The following BICDL1 variants were observed in gnomAD, a reference collection of about 807,000 sequenced individuals.
BICDL1 encodes BICD family-like cargo adapter 1.
Under a neutral mutation model 76.8 loss-of-function variants are expected in BICDL1, and 20 were observed. That is an observed-to-expected ratio of 0.26 (90% CI 0.18 to 0.38). BICDL1 has a LOEUF of 0.38. BICDL1 is among the 10% of genes least tolerant of loss of function. The pLI is 1.00. For synonymous variants in BICDL1, 383 were observed against 337.1 expected (o/e 1.14, Z -1.49); for missense variants, 700 against 798.6 (o/e 0.88, Z 1.49).
chr12:120,041,415 T>C (rs1427560069), intron 2 of BICDL1, among the ~76,000 whole-genome samples: 2 of 152,214 alleles, frequency 1.3e-5, no homozygotes, highest in Non-Finnish European at 2.9e-5. Context: ...TGAGTTAATA[T>C]AGACATGTTT....
Position 120,021,852 on chromosome 12 carries a change from C to T in BICDL1, c.645+23116C>T, listed in dbSNP as rs566819252. Among the ~76,000 whole-genome samples the T allele has an allele frequency of 3.0e-4, 46 of 151,168 alleles. 1 individual carries two copies. The highest frequency in any genetic ancestry group is 1.1e-3 in the African/African-American group (44 of 41,260). On this transcript the variant is annotated intron_variant, in intron 2 of 9. Transcript: ENST00000548673. ...CCCGGGAGGTGAAGGTTGCAGTGAA[C>T]CGAGATTGCACCACTGCACTCCAGC...
chr12:120,089,266 T>C (rs1874722181), intron 8 of BICDL1, among the ~76,000 whole-genome samples: 1 of 149,364 alleles, frequency 6.7e-6, no homozygotes, highest in Non-Finnish European at 1.5e-5. Flanking sequence ...ATTGTCCTTT[T>C]TCAACGTGTG....
At chr12:119,990,688 A>G (rs1021341964) in intron 1 of BICDL1, among the ~76,000 whole-genome samples, 5 of 152,226 alleles carry the variant, frequency 3.3e-5, no homozygotes, top group African/African-American at 4.8e-5. Flanking sequence ...TCAGGGTGTT[A>G]GCCTAAAGCC....
chr12:120,071,690 A>G lies in BICDL1; in HGVS notation c.978A>G (p.Glu326=). The change falls in exon 5 of 10, where the codon GAA becomes GAG. Residue 326 remains glutamate (E), a synonymous_variant. Coordinates refer to ENST00000548673, the MANE Select transcript of BICDL1 (RefSeq NM_001367886.1). This position sits in a 1 kb window ranked among gnomAD's most constrained non-coding sequence, Gnocchi z 4.8. ...LSCRQLQVKV[E]ELTEERSLQS... ...GCCGACAGCTGCAGGTGAAGGTGGA[A>G]GAACTCACTGAGGAGAGGAGTCTGC... is the stretch of plus-strand genomic sequence containing the variant. 1 of 1,612,610 alleles carries G rather than the reference A, an allele frequency of 6.2e-7. No homozygotes were observed. Among genetic ancestry groups the G allele is most frequent in the Non-Finnish European group, 8.5e-7 (1 of 1,179,774 alleles).
chr12:120,047,108 A>C (rs1952764479), intron 2 of BICDL1, among the ~76,000 whole-genome samples: 1 of 152,182 alleles, frequency 6.6e-6, no homozygotes, highest in African/African-American at 2.4e-5. Context: ...CATTAGTTCA[A>C]ATGAAACAAA....
At chr12:120,062,220 G>A (rs1303886339) in intron 3 of BICDL1, among the ~76,000 whole-genome samples, 1 of 152,164 alleles carries the variant, frequency 6.6e-6, no homozygotes, top group East Asian at 1.9e-4. Context: ...CTACTTCACA[G>A]GTTTTTGCAA....
At position 119,991,733 on chromosome 12, in the gene BICDL1, T is replaced by G. The variant is rs554528898; in HGVS notation, c.429+1436T>G. ...GGACTTGATTGAAGAGACAGCTGAC[T>G]TGAAAGGAGCACCGTATCAGTTTGA... On this transcript the variant is annotated intron_variant, in intron 1 of 9. Coordinates refer to ENST00000548673, the MANE Select transcript of BICDL1 (RefSeq NM_001367886.1). 3.3e-5 allele frequency among the ~76,000 whole-genome samples: 5 copies of G among 152,316 alleles called. No individual in the cohort carries two copies. The South Asian group carries it at 1.0e-3, about 32-fold the overall frequency.
chr12:120,019,045 A>C (rs986507212), intron 2 of BICDL1: 42 of 123,132 alleles, frequency 3.4e-4, no homozygotes, highest in Non-Finnish European at 5.2e-4. Context: ...ACTCCGTCTC[A>C]AAAAAAAAAA....
chr12:120,090,898 C>G (rs1417319209), intron 9 of BICDL1: 7 of 1,288,808 alleles, frequency 5.4e-6, no homozygotes, highest in Non-Finnish European at 6.1e-6. Context: ...TCTCTCTTCT[C>G]TCCCGGCTAC....
At chr12:120,017,482 T>C (rs1952089328) in intron 2 of BICDL1, among the ~76,000 whole-genome samples, 1 of 152,128 alleles carries the variant, frequency 6.6e-6, no homozygotes, top group Non-Finnish European at 1.5e-5. Flanking sequence ...GAAGACTAAA[T>C]GAAAATATAT....
At chr12:120,049,713 T>C (rs1415901596) in intron 2 of BICDL1, among the ~76,000 whole-genome samples, 1 of 152,222 alleles carries the variant, frequency 6.6e-6, no homozygotes, top group African/African-American at 2.4e-5. Flanking sequence ...GGAACTGCAG[T>C]TTAAACATAT....
At chr12:120,087,736 G>GA (rs1442374510) in intron 8 of BICDL1, among the ~76,000 whole-genome samples, 1 of 152,054 alleles carries the variant, frequency 6.6e-6, no homozygotes, top group Admixed American at 6.6e-5. Context: ...CCCTGCCCTC[G>GA]AAAAAAATTA....
chr12:120,090,237 TG>T, intron 9 of BICDL1, 166 bp downstream of exon 9: 1 of 730,126 alleles, frequency 1.4e-6, no homozygotes, highest in Admixed American at 3.2e-5. Flanking sequence ...CCCTAGTCCT[TG>T]GGGAAGAATG....
intron 2 of BICDL1, among the ~76,000 whole-genome samples, chr12:120,042,187 A>G (rs1027579692): frequency 6.6e-6 from 1 of 152,134 alleles, no homozygotes; most frequent in Non-Finnish European, 1.5e-5. Flanking sequence ...TATAGCACCT[A>G]TTATATGCCA....
chr12:120,089,322 G>T (rs1242939351), intron 8 of BICDL1, among the ~76,000 whole-genome samples: 2 of 146,760 alleles, frequency 1.4e-5, no homozygotes, highest in Non-Finnish European at 3.0e-5. Context: ...ACGGAGTTCT[G>T]CTCTTTCAAC....
At position 120,058,324 on chromosome 12, in the gene BICDL1, C is replaced by G. The variant is rs77667532; in HGVS notation, c.646-3386C>G. Among the ~76,000 whole-genome samples the G allele has an allele frequency of 0.012, 1,902 of 152,192 alleles. 92 individuals carry two copies. The East Asian group carries it at 0.14, about 12-fold the overall frequency. On this transcript the variant is annotated intron_variant, in intron 2 of 9. Coordinates refer to ENST00000548673, the MANE Select transcript of BICDL1 (RefSeq NM_001367886.1). ...GACAAATTTCTATTTCTAAGAAGAT[C>G]GCTTTGAGAAGAGGTAGTCTGCAGG...
At position 119,998,559 on chromosome 12, in the gene BICDL1, T is replaced by C. The variant is rs769620143; in HGVS notation, c.468T>C (p.Phe156=). The C allele has an allele frequency of 6.2e-7, 1 of 1,612,994 alleles. No homozygotes were observed. Among genetic ancestry groups the C allele is most frequent in the Admixed American group, 1.7e-5 (1 of 59,774 alleles). Residue 156 remains phenylalanine (F), a synonymous_variant, in exon 2 of 10, where the codon TTT becomes TTC. Coordinates refer to ENST00000548673, the MANE Select transcript of BICDL1 (RefSeq NM_001367886.1). ...AGAAACATGAATTGAGAAGACGATT[T>C]GAGAACCGAGAAGGGGAGTGGGAAG... The part of the protein sequence containing the change: ...EQEKHELRRR[F]ENREGEWEGR...
chr12:120,006,340 AATTC>A (rs369296653), intron 2 of BICDL1, among the ~76,000 whole-genome samples: 151 of 152,258 alleles, frequency 9.9e-4, no homozygotes, highest in Middle Eastern at 3.4e-3. Flanking sequence ...CAATTTGAAA[AATTC>A]ATTCATTCAT....
intron 2 of BICDL1, among the ~76,000 whole-genome samples, chr12:120,004,619 T>C (rs1480438814): frequency 2.6e-5 from 4 of 152,142 alleles, no homozygotes; most frequent in African/African-American, 9.7e-5. Flanking sequence ...AAAGATCCAT[T>C]ATAGTTCAGG....
Sources: gnomAD v4.1 joint callset for allele counts (sites outside exome capture counted in the v4.1 genomes callset) on GRCh38, gnomAD v4.1.1 for gene constraint, Gnocchi (gnomAD v3.1) non-coding constraint, MANE v1.5 for transcripts, NCBI Gene and HGNC (gene_info 2026-07-23, HGNC 2026-07-21) for gene names.